RAD51B: variants seen among roughly 807,000 people sequenced by gnomAD.
RAD51B encodes DNA repair protein RAD51 homolog 2.
RAD51B carries 38 observed loss-of-function variants against 42.2 expected under a neutral mutation model. The ratio of observed to expected loss-of-function variants is 0.90; its 90% CI spans 0.70 to 1.18. RAD51B has a LOEUF of 1.18. Among genes scored for constraint, RAD51B ranks in the 50% most tolerant of loss-of-function variants. RAD51B has a pLI of 0.00. For synonymous variants in RAD51B, 154 were observed against 145.2 expected (o/e 1.06, Z -0.43); for missense variants, 373 against 400.7 (o/e 0.93, Z 0.59).
intron 8 of RAD51B, among the ~76,000 whole-genome samples, chr14:68,335,288 C>T (rs1183789700): frequency 3.3e-5 from 4 of 120,678 alleles, no homozygotes; most frequent in Non-Finnish European, 6.7e-5. Flanking sequence ...CAGAGTGAGA[C>T]CCTGTGTCAA....
At chr14:68,147,554 A>G (rs918657862) in intron 7 of RAD51B, among the ~76,000 whole-genome samples, 8 of 152,168 alleles carry the variant, frequency 5.3e-5, no homozygotes, top group Non-Finnish European at 1.2e-4. Flanking sequence ...ACTAGATTTC[A>G]TCACCATCTG....
chr14:68,615,876 G>A (rs1392520379), downstream of RAD51B, among the ~76,000 whole-genome samples: 1 of 151,952 alleles, frequency 6.6e-6, no homozygotes, highest in Non-Finnish European at 1.5e-5. Context: ...CTTTAATTGG[G>A]GTATTTGGAC....
At chr14:67,908,929 T>G (rs1190192750) in intron 7 of RAD51B, 1 of 152,188 alleles carries the variant, frequency 6.6e-6, no homozygotes, top group Non-Finnish European at 1.5e-5. Flanking sequence ...ATATTAATAA[T>G]TCTAAGAATT....
rs1885484736 is a variant in RAD51B at position 68,508,286 on chromosome 14, C to T, written c.1036+40036C>T. On this transcript the variant is annotated intron_variant, in intron 10 of 10. Transcript: ENST00000487270. ...TCACTTGGAGACCTCTGAACAATAG[C>T]AGGACTCTAAAGACTGGGACCCATG... Among the ~76,000 whole-genome samples the T allele has an allele frequency of 5.3e-5, 8 of 152,196 alleles. No homozygotes were observed. In the South Asian group the frequency reaches 1.7e-3, roughly 32 times the overall value.
chr14:68,072,913 G>A (rs11624209), intron 7 of RAD51B, among the ~76,000 whole-genome samples: 34,760 of 151,948 alleles, frequency 0.23, 4,656 homozygotes, highest in African/African-American at 0.37. Flanking sequence ...GTATAATTTC[G>A]GTTTTTAAAA....
chr14:68,532,369 A>G (rs550914729), intron 10 of RAD51B, among the ~76,000 whole-genome samples: 3 of 152,334 alleles, frequency 2.0e-5, no homozygotes, highest in East Asian at 3.9e-4. Context: ...AATGCAATAA[A>G]TAATATTAAG....
chr14:68,011,457 C>T (rs1299104555), intron 7 of RAD51B, among the ~76,000 whole-genome samples: 1 of 151,936 alleles, frequency 6.6e-6, no homozygotes, highest in African/African-American at 2.4e-5. Context: ...AATTTGGAAC[C>T]TTGGTTAGAA....
chr14:67,840,873 C>G (rs1415147442), intron 4 of RAD51B, among the ~76,000 whole-genome samples: 1 of 151,610 alleles, frequency 6.6e-6, no homozygotes, highest in Non-Finnish European at 1.5e-5. Flanking sequence ...GCACTTTTGG[C>G]TCACTGCAAC....
chr14:68,179,219 C>T (rs992499465), intron 7 of RAD51B, among the ~76,000 whole-genome samples: 8 of 152,118 alleles, frequency 5.3e-5, no homozygotes, highest in East Asian at 1.9e-4. Context: ...CGCTAGTATG[C>T]GGCAGATGTT....
intron 7 of RAD51B, among the ~76,000 whole-genome samples, chr14:68,050,437 TTTTA>T (rs899369157): frequency 1.3e-5 from 2 of 152,186 alleles, no homozygotes; most frequent in Non-Finnish European, 2.9e-5. Context: ...AACAAAAAGA[TTTTA>T]TTTTTTTCTT....
intron 8 of RAD51B, among the ~76,000 whole-genome samples, chr14:68,341,543 G>T (rs2082572980): frequency 6.6e-6 from 1 of 152,200 alleles, no homozygotes; most frequent in African/African-American, 2.4e-5. Context: ...CGAAGGCTAA[G>T]AAGTGGATCT....
intron 7 of RAD51B, among the ~76,000 whole-genome samples, chr14:68,143,863 CCAAA>C (rs1437566611): frequency 2.0e-5 from 3 of 152,112 alleles, no homozygotes; most frequent in Admixed American, 6.6e-5. Flanking sequence ...TATGGACAGT[CCAAA>C]CAGTGTTCTC....
chr14:68,349,129 AT>A lies in RAD51B; in HGVS notation c.853+57157del, dbSNP rs1041992199. ...TTATATAATTTCTACATGTCACAAA[AT>A]TTTTTTTGTCTTTTTTTCAGCTATT... On this transcript the variant is annotated intron_variant, in intron 8 of 10. Transcript: ENST00000471583. 5.9e-5 allele frequency among the ~76,000 whole-genome samples: 9 copies of A among 152,018 alleles called. No homozygotes were observed. In the South Asian group the frequency reaches 6.2e-4, roughly 11 times the overall value.
intron 7 of RAD51B, among the ~76,000 whole-genome samples, chr14:68,168,685 A>G (rs754518387): frequency 1.3e-5 from 2 of 152,218 alleles, no homozygotes; most frequent in South Asian, 4.1e-4. Flanking sequence ...AAATCTTAAT[A>G]GTTGGAGACA....
At chr14:68,305,525 G>A (rs983412580) in intron 8 of RAD51B, among the ~76,000 whole-genome samples, 1 of 152,192 alleles carries the variant, frequency 6.6e-6, no homozygotes, top group Non-Finnish European at 1.5e-5. Flanking sequence ...CAGAACGTGA[G>A]GCCCACAGAC....
intron 7 of RAD51B, among the ~76,000 whole-genome samples, chr14:68,247,577 T>C (rs2080525963): frequency 6.6e-6 from 1 of 152,234 alleles, no homozygotes; most frequent in Admixed American, 6.5e-5. Context: ...TTAAGAACTT[T>C]CATGAATATA....
At chr14:68,237,732 C>CTTTTTTTTTTTTTTTTTTTTTTTT (rs57490316) in intron 7 of RAD51B, among the ~76,000 whole-genome samples, 1 of 74,096 alleles carries the variant, frequency 1.3e-5, no homozygotes, top group Non-Finnish European at 2.7e-5. Flanking sequence ...TTTCATTTCT[C>CTTTTTTTTTTTTTTTTTTTTTTTT]TTTTTTTTTT....
chr14:68,312,118 T>G (rs554557027), intron 8 of RAD51B, among the ~76,000 whole-genome samples: 50 of 152,188 alleles, frequency 3.3e-4, no homozygotes, highest in African/African-American at 7.2e-4. Context: ...TGTGTGTTTT[T>G]TTTTGTTTTG....
At chr14:68,346,844 C>A (rs2082686910) in intron 8 of RAD51B, among the ~76,000 whole-genome samples, 1 of 152,154 alleles carries the variant, frequency 6.6e-6, no homozygotes, top group African/African-American at 2.4e-5. Context: ...ACACTAGAAC[C>A]ATTGTGAATT....
Sources: gnomAD v4.1 joint callset for allele counts (sites outside exome capture counted in the v4.1 genomes callset) on GRCh38, gnomAD v4.1.1 for gene constraint, MANE v1.5 for transcripts, NCBI Gene and HGNC (gene_info 2026-07-23, HGNC 2026-07-21) for gene names.